KANSL1L: variants seen among roughly 807,000 people sequenced by gnomAD.
KANSL1L encodes KAT8 regulatory NSL complex subunit 1 like, also known as KAT8 regulatory NSL complex subunit 1-like protein.
In KANSL1L, 25 loss-of-function variants were observed where a neutral mutation model predicts 108.6. The ratio of observed to expected loss-of-function variants is 0.23; its 90% CI spans 0.17 to 0.32. The LOEUF (loss-of-function observed/expected upper bound fraction) is 0.32, where lower values mean the gene tolerates loss of function less well. Among genes scored for constraint, KANSL1L ranks in the 10% least tolerant of loss-of-function variants. KANSL1L has a pLI of 1.00. For synonymous variants in KANSL1L, 405 were observed against 395.1 expected, an observed-to-expected ratio of 1.03 and a Z score of -0.30; for missense variants, 1,137 against 1,125.7, an observed-to-expected ratio of 1.01 and a Z score of -0.14.
chr2:210,158,311 AATG>A (rs1309757107), intron 1 of KANSL1L, among the ~76,000 whole-genome samples: 7 of 152,152 alleles, frequency 4.6e-5, no homozygotes, highest in Non-Finnish European at 1.0e-4. Flanking sequence ...ATGGTATAGA[AATG>A]ATGTCTCCAA....
intron 8 of KANSL1L, among the ~76,000 whole-genome samples, chr2:210,033,148 G>A (rs1481866093): frequency 1.3e-5 from 2 of 152,168 alleles, no homozygotes; most frequent in African/African-American, 2.4e-5. Flanking sequence ...GGAGGGAATA[G>A]TTGAAGAAGT....
At chr2:210,113,393 A>G (rs1020360770) in intron 3 of KANSL1L, among the ~76,000 whole-genome samples, 1 of 152,204 alleles carries the variant, frequency 6.6e-6, no homozygotes, top group African/African-American at 2.4e-5. Context: ...TTCTTGCCAC[A>G]CCGACAACCT....
intron 6 of KANSL1L, among the ~76,000 whole-genome samples, chr2:210,069,287 A>G (rs951199690): frequency 6.6e-6 from 1 of 152,156 alleles, no homozygotes; most frequent in African/African-American, 2.4e-5. Context: ...CACCTTTAAC[A>G]TTCATGTTTC....
chr2:210,153,426 AC>A, intron 2 of KANSL1L, 68 bp downstream of exon 2: 1 of 1,201,990 alleles, frequency 8.3e-7, no homozygotes, highest in South Asian at 1.3e-5. Flanking sequence ...TTGTCAACAT[AC>A]CTGGAAACTA....
chr2:210,132,751 T>C lies in KANSL1L; in HGVS notation c.1089-3579A>G, dbSNP rs10201777. Among the ~76,000 whole-genome samples the C allele has an allele frequency of 1.8e-3, 268 of 152,302 alleles. 2 individuals are homozygous for C. Among genetic ancestry groups the C allele is most frequent in the African/African-American group, 6.3e-3 (262 of 41,580 alleles). ...CATTTAGGATTTTTCTTTGCATCTA[T>C]AGTCAAAGAAGATATGGATCTGCTG... On this transcript the variant is annotated intron_variant, in intron 2 of 14. Coordinates refer to ENST00000281772, the MANE Select transcript of KANSL1L (RefSeq NM_152519.4).
At chr2:210,023,928 T>G (rs2093897446) in intron 14 of KANSL1L, 105 bp downstream of exon 14, 3 of 667,210 alleles carry the variant, frequency 4.5e-6, no homozygotes, top group Non-Finnish European at 4.8e-6. Context: ...CTTATTGAAT[T>G]TGTTATGTAA....
chr2:210,024,236 T>C, intron 13 of KANSL1L, 35 bp from the exon 14 acceptor site: 1 of 1,504,976 alleles, frequency 6.6e-7, no homozygotes, highest in Non-Finnish European at 8.9e-7. Context: ...AATTATTTTT[T>C]ATTTTTTGAG....
chr2:210,079,829 A>G (rs2125342564), intron 5 of KANSL1L: 1 of 142,960 alleles, frequency 7.0e-6, no homozygotes, highest in East Asian at 2.0e-4. Flanking sequence ...TGGAAGCTGG[A>G]GAATAATAAA....
intron 3 of KANSL1L, among the ~76,000 whole-genome samples, chr2:210,110,541 T>C (rs866052338): frequency 6.6e-6 from 1 of 152,110 alleles, no homozygotes; most frequent in African/African-American, 2.4e-5. Flanking sequence ...AAAGCCAATA[T>C]ACAGGACAAA....
chr2:210,147,169 A>G (rs1314703337), intron 2 of KANSL1L, among the ~76,000 whole-genome samples: 1 of 152,246 alleles, frequency 6.6e-6, no homozygotes, highest in Non-Finnish European at 1.5e-5. Flanking sequence ...CACAGTAGAC[A>G]ATATTTCTTG....
intron 1 of KANSL1L, among the ~76,000 whole-genome samples, chr2:210,162,222 G>GTA (rs71043976): frequency 0.018 from 1,917 of 107,476 alleles, 108 homozygotes; most frequent in African/African-American, 0.063. Flanking sequence ...AGTGGTTCAG[G>GTA]TATATATATA....
intron 6 of KANSL1L, among the ~76,000 whole-genome samples, chr2:210,065,365 T>C (rs2094458362): frequency 6.7e-6 from 1 of 148,510 alleles, no homozygotes; most frequent in Non-Finnish European, 1.5e-5. Flanking sequence ...GAGCCAGTAC[T>C]TCCCCATTCA....
At chr2:210,153,381 AG>A (rs2095315477) in intron 2 of KANSL1L, 113 bp downstream of exon 2, 7 of 780,102 alleles carry the variant, frequency 9.0e-6, no homozygotes, top group South Asian at 2.1e-5. Flanking sequence ...AAAAAAAAAA[AG>A]ATTATAGCAT....
chr2:210,111,670 A>G (rs1369596260), intron 3 of KANSL1L, among the ~76,000 whole-genome samples: 4 of 152,178 alleles, frequency 2.6e-5, no homozygotes, highest in Admixed American at 6.5e-5. Flanking sequence ...CCTGTTAGTA[A>G]GAATGCAGAA....
intron 4 of KANSL1L, among the ~76,000 whole-genome samples, chr2:210,102,514 T>G (rs890695462): frequency 2.6e-5 from 4 of 151,994 alleles, no homozygotes; most frequent in Admixed American, 6.6e-5. Flanking sequence ...GAAACTACCA[T>G]CAGAGTGAAC....
At chr2:210,134,812 A>G (rs2125565189) in intron 2 of KANSL1L, among the ~76,000 whole-genome samples, 1 of 152,286 alleles carries the variant, frequency 6.6e-6, no homozygotes, top group Non-Finnish European at 1.5e-5. Flanking sequence ...TCGACTAGGA[A>G]ATACTACCAT....
At chr2:210,027,443 T>A in intron 11 of KANSL1L, 93 bp from the exon 12 acceptor site, 1 of 782,716 alleles carries the variant, frequency 1.3e-6, no homozygotes, top group South Asian at 1.5e-5. Flanking sequence ...AGTGTTTCCT[T>A]GGCACTTCCA....
chr2:210,122,913 T>C (rs2095034351), intron 3 of KANSL1L, among the ~76,000 whole-genome samples: 1 of 152,014 alleles, frequency 6.6e-6, no homozygotes, highest in Non-Finnish European at 1.5e-5. Context: ...AAAGAAGACA[T>C]ACAAATGGAA....
chr2:210,090,667 G>T (rs1240735817), intron 5 of KANSL1L, among the ~76,000 whole-genome samples: 2 of 152,000 alleles, frequency 1.3e-5, no homozygotes, highest in East Asian at 3.9e-4. Context: ...GAATAGCTGG[G>T]ACTACAGGTG....
Sources: gnomAD v4.1 joint callset for allele counts (sites outside exome capture counted in the v4.1 genomes callset) on GRCh38, gnomAD v4.1.1 for gene constraint, MANE v1.5 for transcripts, NCBI Gene and HGNC (gene_info 2026-07-23, HGNC 2026-07-21) for gene names.